SRPK1: variants seen among roughly 807,000 people sequenced by gnomAD.
SRPK1 encodes SRSF protein kinase 1, also known as SFRS protein kinase 1.
A neutral mutation model predicts 89.5 loss-of-function variants in SRPK1; 52 were observed. The ratio of observed to expected loss-of-function variants is 0.58; its 90% CI spans 0.46 to 0.73. The LOEUF is 0.73. SRPK1 is among the 30% of genes least tolerant of loss of function. The pLI, the probability that SRPK1 is intolerant of heterozygous loss-of-function variation, is 0.00. For synonymous variants in SRPK1, 255 were observed against 270.2 expected (o/e 0.94, Z 0.55); for missense variants, 603 against 780.6 (o/e 0.77, Z 2.71).
chr6:35,852,878 A>AC lies in SRPK1; in HGVS notation c.1620+4382dup, dbSNP rs1366571522. ...TCAGCCCTGGGTGTCTGCAGGTTCCACATGCTCAGATTCAACTGACTGTAG... is the reference window on the plus strand; with the variant it reads ...TCAGCCCTGGGTGTCTGCAGGTTCCACCATGCTCAGATTCAACTGACTGTAG... On this transcript the variant is annotated intron_variant, in intron 13 of 15. Coordinates refer to ENST00000373825, the MANE Select transcript of SRPK1 (RefSeq NM_003137.5). Among the ~76,000 whole-genome samples the AC allele has an allele frequency of 2.6e-5, 4 of 152,328 alleles. No homozygotes were observed. In the East Asian group the frequency reaches 7.7e-4, roughly 29 times the overall value.
chr6:35,905,955 A>C (rs1770839049), intron 2 of SRPK1, among the ~76,000 whole-genome samples: 1 of 152,196 alleles, frequency 6.6e-6, no homozygotes, highest in Non-Finnish European at 1.5e-5. Flanking sequence ...TAACTCACTC[A>C]CTAGTAATAA....
At position 35,920,473 on chromosome 6, in the gene SRPK1, T is replaced by C. The variant is rs939077331; in HGVS notation, c.69A>G (p.Gln23=). 1.2e-6 allele frequency: 2 copies of C among 1,612,940 alleles called. No individual in the cohort carries two copies. The highest frequency in any genetic ancestry group is 1.3e-5 in the African/African-American group (1 of 74,874). ...TGTTGGGGTACAAGACTCACTTCCT[T>C]TGGGCTTTGTCCTTCTTGGCCTTGG... ...KRTKAKKDKA[Q]RKSETQHRGS... The change falls in exon 2 of 16, where the codon CAA becomes CAG. Residue 23 remains glutamine (Q), a synonymous_variant. Transcript: ENST00000373825.
Position 35,869,666 on chromosome 6 carries a change from T to C in SRPK1, c.1227A>G (p.Gln409=), listed in dbSNP as rs767723804. 1.9e-6 allele frequency: 3 copies of C among 1,613,954 alleles called. No homozygotes were observed. The Admixed American group carries it at 5.0e-5, about 27-fold the overall frequency. ...SSQNGDSSTS[Q]ETDSCTPITS... ...TTATAGGTGTACAAGAGTCTGTTTC[T>C]TGAGATGTGCTGCTGTCTCCATTTT... The change falls in exon 11 of 16, where the codon CAA becomes CAG. Residue 409 remains glutamine (Q), a synonymous_variant. Coordinates refer to ENST00000373825, the MANE Select transcript of SRPK1 (RefSeq NM_003137.5).
chr6:35,835,250 A>G lies in SRPK1; in HGVS notation c.*54T>C. On this transcript the variant is annotated 3_prime_UTR_variant, in exon 16 of 16. Coordinates refer to ENST00000373825, the MANE Select transcript of SRPK1 (RefSeq NM_003137.5). Reference sequence around the variant, plus strand: ...GAAAAGGGAAGAGGAAAATGCTTGAAGGGGAAGGGCGGAGGGTCAGTGTGT... The same window carrying G: ...GAAAAGGGAAGAGGAAAATGCTTGAGGGGGAAGGGCGGAGGGTCAGTGTGT... 6.9e-7 allele frequency: 1 copy of G among 1,454,494 alleles called. No individual in the cohort carries two copies. Among genetic ancestry groups the G allele is most frequent in the Non-Finnish European group, 9.3e-7 (1 of 1,074,368 alleles). 90.1% of individuals were successfully genotyped at this position (1,454,494 alleles called of 1,614,324 possible).
At chr6:35,869,178 C>A (rs1311546225) in intron 11 of SRPK1, 68 bp from the exon 12 acceptor site, 1 of 1,322,706 alleles carries the variant, frequency 7.6e-7, no homozygotes, top group Non-Finnish European at 1.1e-6. Context: ...AGTAATAAAG[C>A]TCTCCAAGGT....
At position 35,890,960 on chromosome 6, in the gene SRPK1, T is replaced by G. The variant is rs1165422872; in HGVS notation, c.128A>C (p.Glu43Ala). ...AGATCCCAGAATCTCCTCTTCCTGC[T>G]CTGGTAGATCACTCTCAGAGTGGGG... The part of the protein sequence containing the change: ...SAPHSESDLP[E>A]QEEEILGSDD... The change falls in exon 3 of 16, where the codon GAG becomes GCG. Residue 43 changes from glutamate (E) to alanine (A), a missense_variant. By Grantham distance (107) the Glu-to-Ala change is moderately radical. Coordinates refer to ENST00000373825, the MANE Select transcript of SRPK1 (RefSeq NM_003137.5). 6.4e-7 allele frequency: 1 copy of G among 1,554,322 alleles called. No individual in the cohort carries two copies. The highest frequency in any genetic ancestry group is 8.7e-7 in the Non-Finnish European group (1 of 1,147,868).
At chr6:35,838,247 A>T in intron 15 of SRPK1, 90 bp downstream of exon 15, 1 of 881,080 alleles carries the variant, frequency 1.1e-6, no homozygotes. Flanking sequence ...AGGCAGGCCC[A>T]TCATTCTGTA....
chr6:35,842,200 T>G (rs1434484137), intron 14 of SRPK1, among the ~76,000 whole-genome samples: 1 of 152,118 alleles, frequency 6.6e-6, no homozygotes, highest in Non-Finnish European at 1.5e-5. Flanking sequence ...GAGGCATAAT[T>G]GAGCAACAGG....
intron 3 of SRPK1, 47 bp downstream of exon 3, chr6:35,890,848 G>A (rs1348103335): frequency 7.5e-6 from 11 of 1,476,270 alleles, no homozygotes; most frequent in Non-Finnish European, 9.0e-6. Context: ...ACGAGAAATT[G>A]CAAATAGATG....
intron 6 of SRPK1, among the ~76,000 whole-genome samples, chr6:35,884,548 T>C (rs918249462): frequency 6.6e-6 from 1 of 152,140 alleles, no homozygotes; most frequent in Admixed American, 6.5e-5. Flanking sequence ...AGTTATATCC[T>C]TTCAATCTCT....
intron 2 of SRPK1, among the ~76,000 whole-genome samples, chr6:35,906,277 T>C (rs1040412841): frequency 3.3e-5 from 5 of 152,052 alleles, no homozygotes; most frequent in Admixed American, 6.6e-5. Flanking sequence ...TGGTCTGGAG[T>C]TCAGTGGCAT....
intron 6 of SRPK1, among the ~76,000 whole-genome samples, chr6:35,880,646 CG>C (rs1479562247): frequency 1.4e-5 from 2 of 143,598 alleles, no homozygotes; most frequent in African/African-American, 5.2e-5. Flanking sequence ...GGCTTGAACC[CG>C]GGAGGCAGAT....
chr6:35,880,178 A>C lies in SRPK1; in HGVS notation c.479-5839T>G, dbSNP rs527771534. On this transcript the variant is annotated intron_variant, in intron 6 of 15. Coordinates refer to ENST00000373825, the MANE Select transcript of SRPK1 (RefSeq NM_003137.5). ...AGATATTAATGAGGATAAAAAAAAA[A>C]CTAAAAAGAAACCAAAGGAATTCTG... 4.5e-4 allele frequency among the ~76,000 whole-genome samples: 68 copies of C among 152,034 alleles called. 1 individual carries two copies. The highest frequency in any genetic ancestry group is 1.4e-3 in the African/African-American group (60 of 41,524).
intron 13 of SRPK1, among the ~76,000 whole-genome samples, chr6:35,850,952 G>C (rs1008968978): frequency 2.6e-5 from 4 of 152,150 alleles, no homozygotes; most frequent in Non-Finnish European, 5.9e-5. Context: ...AAAGAAAATA[G>C]GATTTTGAGT....
intron 2 of SRPK1, among the ~76,000 whole-genome samples, chr6:35,906,085 G>A (rs541261649): frequency 0.016 from 2,418 of 151,944 alleles, 24 homozygotes; most frequent in Middle Eastern, 0.037. Context: ...TAGACATACT[G>A]TCACACCAGA....
chr6:35,891,023 G>A lies in SRPK1; in HGVS notation c.75-10C>T, dbSNP rs1384015338. The A allele has an allele frequency of 3.9e-6, 6 of 1,545,076 alleles. No individual in the cohort carries two copies. In the South Asian group the frequency reaches 6.0e-5, roughly 16 times the overall value. ...GTGCTGAGTTTCAGATCTAAGAAATGATACAAAAATGCCCATTCCATTTGG... is the reference window on the plus strand; with the variant it reads ...GTGCTGAGTTTCAGATCTAAGAAATAATACAAAAATGCCCATTCCATTTGG... On this transcript the variant is annotated splice_polypyrimidine_tract_variant and intron_variant, in intron 2 of 15. Transcript: ENST00000373825.
chr6:35,862,624 T>A (rs1769803211), intron 12 of SRPK1, among the ~76,000 whole-genome samples: 1 of 151,936 alleles, frequency 6.6e-6, no homozygotes, highest in African/African-American at 2.4e-5. Context: ...AACAAGTAAA[T>A]ATGACAGCAC....
At chr6:35,843,054 C>T (rs369405366) in intron 13 of SRPK1, among the ~76,000 whole-genome samples, 50 of 151,702 alleles carry the variant, frequency 3.3e-4, no homozygotes, top group African/African-American at 1.0e-3. Flanking sequence ...CTGCAAGCTC[C>T]GCCTCCTGGG....
At chr6:35,908,227 T>C (rs1169661530) in intron 2 of SRPK1, among the ~76,000 whole-genome samples, 4 of 152,226 alleles carry the variant, frequency 2.6e-5, no homozygotes, top group Non-Finnish European at 4.4e-5. Context: ...AACTGGGTAG[T>C]GGGCAGAGGT....
Sources: gnomAD v4.1 joint callset for allele counts (sites outside exome capture counted in the v4.1 genomes callset) on GRCh38, gnomAD v4.1.1 for gene constraint, MANE v1.5 for transcripts, NCBI Gene and HGNC (gene_info 2026-07-23, HGNC 2026-07-21) for gene names.